The following MLLT3 variants were observed in gnomAD, a reference collection of about 807,000 sequenced individuals.
MLLT3 encodes the protein MLLT3 super elongation complex subunit, also known as protein AF-9.
MLLT3 carries 4 observed loss-of-function variants against 53.2 expected under a neutral mutation model. The observed-to-expected ratio is 0.08, with a 90% confidence interval of 0.04 to 0.17. The LOEUF (loss-of-function observed/expected upper bound fraction) is 0.17, where lower values mean the gene tolerates loss of function less well. MLLT3 is among the 10% of genes least tolerant of loss of function. The probability of loss-of-function intolerance (pLI) is 1.00; values close to 1 mark genes in which losing one functional copy is unlikely to be tolerated. For missense variants in MLLT3, 569 were observed against 684.0 expected, an observed-to-expected ratio of 0.83 and a Z score of 1.87; for synonymous variants, 283 against 230.6, an observed-to-expected ratio of 1.23 and a Z score of -2.06.
chr9:20,545,371 A>G (rs1007176625), intron 2 of MLLT3, among the ~76,000 whole-genome samples: 1 of 152,160 alleles, frequency 6.6e-6, no homozygotes, highest in Non-Finnish European at 1.5e-5. Flanking sequence ...TCACAGAAAC[A>G]CAAAGTAGAA....
At chr9:20,384,628 A>G (rs894341727) in intron 5 of MLLT3, among the ~76,000 whole-genome samples, 3 of 152,106 alleles carry the variant, frequency 2.0e-5, no homozygotes, top group African/African-American at 7.2e-5. Flanking sequence ...TTGGATAATT[A>G]TATTAGTATC....
At chr9:20,444,324 C>T (rs1272787569) in intron 4 of MLLT3, among the ~76,000 whole-genome samples, 1 of 152,074 alleles carries the variant, frequency 6.6e-6, no homozygotes, top group African/African-American at 2.4e-5. Flanking sequence ...TAGGGAGGTG[C>T]TTCTCCACAG....
At chr9:20,481,608 T>C (rs963612430) in intron 2 of MLLT3, among the ~76,000 whole-genome samples, 18 of 152,120 alleles carry the variant, frequency 1.2e-4, no homozygotes, top group Non-Finnish European at 2.6e-4. Context: ...AGGAATCAAA[T>C]AGCTCCCCAC....
chr9:20,569,393 T>C (rs935251125), intron 2 of MLLT3, among the ~76,000 whole-genome samples: 6 of 152,120 alleles, frequency 3.9e-5, no homozygotes, highest in African/African-American at 1.4e-4. Context: ...TACCCAATGT[T>C]GTACCTTGAA....
chr9:20,584,999 G>C (rs894150423), intron 2 of MLLT3, among the ~76,000 whole-genome samples: 65 of 152,190 alleles, frequency 4.3e-4, no homozygotes, highest in African/African-American at 1.4e-3. Flanking sequence ...GTGGACATAA[G>C]TTTTCAACTC....
At chr9:20,561,130 C>T (rs944579354) in intron 2 of MLLT3, among the ~76,000 whole-genome samples, 7 of 152,092 alleles carry the variant, frequency 4.6e-5, no homozygotes, top group African/African-American at 1.7e-4. Flanking sequence ...CACATGCATG[C>T]ACGCACACAC....
intron 2 of MLLT3, among the ~76,000 whole-genome samples, chr9:20,591,198 T>C (rs541733331): frequency 2.6e-5 from 4 of 152,352 alleles, no homozygotes; most frequent in South Asian, 4.1e-4. Context: ...TTATTTAGTA[T>C]GTTTTTTTCT....
intron 5 of MLLT3, among the ~76,000 whole-genome samples, chr9:20,413,266 TATCAACATAAAC>T (rs1346357926): frequency 6.6e-6 from 1 of 152,220 alleles, no homozygotes; most frequent in African/African-American, 2.4e-5. Flanking sequence ...ACCAGCCTTC[TATCAACATAAAC>T]ATGTTACTTC....
intron 2 of MLLT3, among the ~76,000 whole-genome samples, chr9:20,511,606 C>T (rs1269917757): frequency 2.6e-5 from 4 of 152,100 alleles, no homozygotes; most frequent in Non-Finnish European, 5.9e-5. Context: ...CAGCTAGAGC[C>T]CAGGATTTCA....
At chr9:20,503,933 C>A (rs1228376358) in intron 2 of MLLT3, among the ~76,000 whole-genome samples, 1 of 152,104 alleles carries the variant, frequency 6.6e-6, no homozygotes, top group African/African-American at 2.4e-5. Flanking sequence ...TACAAATAGG[C>A]AACAGGTGTA....
intron 4 of MLLT3, among the ~76,000 whole-genome samples, chr9:20,431,456 G>A (rs953878977): frequency 2.6e-5 from 4 of 152,036 alleles, no homozygotes; most frequent in African/African-American, 9.7e-5. Context: ...CAATATAGTA[G>A]ACTCCATAAT....
intron 2 of MLLT3, among the ~76,000 whole-genome samples, chr9:20,478,570 C>T (rs544086771): frequency 9.2e-5 from 14 of 152,094 alleles, no homozygotes; most frequent in Non-Finnish European, 1.9e-4. Context: ...AGCCTAGGTT[C>T]AAAGATGACC....
intron 3 of MLLT3, among the ~76,000 whole-genome samples, chr9:20,453,954 AT>A (rs1823899320): frequency 6.6e-6 from 1 of 152,220 alleles, no homozygotes; most frequent in Admixed American, 6.5e-5. Context: ...AGCAATCATT[AT>A]TATGTATGAA....
rs749239229 is a variant in MLLT3, at chr9:20,414,345, A to ACTGCTGCTGCTG, written c.489_500dup (p.Ser187_Ser190dup). 2.4e-5 allele frequency: 36 copies of ACTGCTGCTGCTG among 1,493,366 alleles called. No individual in the cohort carries two copies. Among genetic ancestry groups the ACTGCTGCTGCTG allele is most frequent in the African/African-American group, 4.4e-5 (3 of 68,790 alleles). 92.5% of individuals were successfully genotyped at this position (1,493,366 alleles called of 1,614,324 possible). ...TGCTGCTGCTGCTGCTGCTGCTGCT[A>ACTGCTGCTGCTG]CTGCTGCTGCTGCTGCTGCTGCTGC... On this transcript the variant is annotated inframe_insertion, in exon 5 of 11. Transcript: ENST00000380338.
intron 2 of MLLT3, among the ~76,000 whole-genome samples, chr9:20,502,648 T>C (rs1825275986): frequency 6.6e-6 from 1 of 152,224 alleles, no homozygotes; most frequent in African/African-American, 2.4e-5. Context: ...AGAGATAATG[T>C]GTAGTATACA....
At chr9:20,512,237 A>G (rs1380572980) in intron 2 of MLLT3, among the ~76,000 whole-genome samples, 1 of 152,216 alleles carries the variant, frequency 6.6e-6, no homozygotes, top group African/African-American at 2.4e-5. Flanking sequence ...TCCTGATCTG[A>G]AATTCCATTA....
chr9:20,356,268 G>A (rs1167211038), intron 8 of MLLT3, among the ~76,000 whole-genome samples: 1 of 152,046 alleles, frequency 6.6e-6, no homozygotes, highest in Non-Finnish European at 1.5e-5. Flanking sequence ...TTAATATGAA[G>A]ATAACCAAAT....
intron 4 of MLLT3, among the ~76,000 whole-genome samples, chr9:20,423,965 A>C (rs1297058021): frequency 6.6e-6 from 1 of 152,144 alleles, no homozygotes; most frequent in Non-Finnish European, 1.5e-5. Context: ...GGGAAAACTC[A>C]AAATAATGCA....
chr9:20,427,103 C>T (rs1823157040), intron 4 of MLLT3, among the ~76,000 whole-genome samples: 1 of 152,012 alleles, frequency 6.6e-6, no homozygotes, highest in African/African-American at 2.4e-5. Context: ...AAAAATATTC[C>T]TGAACACAAA....
Sources: allele counts gnomAD v4.1 joint callset (sites outside exome capture counted in the v4.1 genomes callset), GRCh38; gene constraint gnomAD v4.1.1; transcripts MANE v1.5; gene names NCBI Gene and HGNC (gene_info 2026-07-23, HGNC 2026-07-21).